ADGRF3: variants seen among roughly 807,000 people sequenced by gnomAD.
ADGRF3 encodes adhesion G protein-coupled receptor F3.
ADGRF3 carries 85 observed loss-of-function variants against 93.2 expected under a neutral mutation model. That is an observed-to-expected ratio of 0.91 (90% confidence interval 0.77 to 1.09). ADGRF3 has a LOEUF of 1.09. Among genes scored for constraint, ADGRF3 ranks in the 50% least tolerant of loss-of-function variants. ADGRF3 has a pLI of 0.00. For missense variants in ADGRF3, 1,125 were observed against 1,246.2 expected (o/e 0.90, Z 1.46); for synonymous variants, 534 against 532.5 (o/e 1.00, Z -0.04).
At chr2:26,317,953 G>T in intron 1 of ADGRF3, 2 of 1,265,438 alleles carry the variant, frequency 1.6e-6, no homozygotes, top group Non-Finnish European at 2.3e-6. Flanking sequence ...TTGACAGCAG[G>T]GTGAGCAGAA....
intron 1 of ADGRF3, among the ~76,000 whole-genome samples, chr2:26,325,550 G>C (rs1168415675): frequency 2.0e-5 from 3 of 152,162 alleles, no homozygotes; most frequent in African/African-American, 7.2e-5. Context: ...TGTACCTCAA[G>C]AGCACAACTT....
In ADGRF3 at chr2:26,323,061, C is replaced by G. The variant is rs200885298; in HGVS notation, c.115-5499G>C. Among the ~76,000 whole-genome samples the G allele has an allele frequency of 2.6e-5, 4 of 152,068 alleles. No individual in the cohort carries two copies. In the East Asian group the frequency reaches 7.7e-4, roughly 29 times the overall value. On this transcript the variant is annotated intron_variant, in intron 1 of 13. Transcript: ENST00000651242. ...GACGGAGGCATGAGAATCACTTGAA[C>G]CCAGGAGGCGGAGGTTGCAGTGAGC...
At chr2:26,344,305 G>A (rs961772783) in intron 1 of ADGRF3, among the ~76,000 whole-genome samples, 5 of 151,958 alleles carry the variant, frequency 3.3e-5, no homozygotes, top group Non-Finnish European at 7.4e-5. Context: ...CACCACACCC[G>A]GTTAGTTTTT....
rs1024544880 is a variant in ADGRF3 at position 26,345,999 on chromosome 2, G to A, written c.114+122C>T. 2.5e-5 allele frequency: 25 copies of A among 1,013,588 alleles called. No homozygotes were observed. In the Middle Eastern group the frequency reaches 1.2e-3, roughly 47 times the overall value. 62.8% of individuals were successfully genotyped at this position (1,013,588 alleles called of 1,614,324 possible). A position where few individuals can be genotyped will look rare whatever the true frequency, so the allele number is the denominator to read the frequency against. ...CAGTGTCGGGGGACGGGCCGCTCGA[G>A]CGGGCTAGCAACCCCCCCTCGATGG... is the stretch of plus-strand genomic sequence containing the variant. On this transcript the variant is annotated intron_variant, in intron 1 of 13. Coordinates refer to ENST00000651242, the MANE Select transcript of ADGRF3 (RefSeq NM_001321971.2).
At chr2:26,324,501 A>AGT (rs1238965667) in intron 1 of ADGRF3, among the ~76,000 whole-genome samples, 1 of 103,086 alleles carries the variant, frequency 9.7e-6, no homozygotes, top group African/African-American at 4.7e-5. Context: ...GAAAGGCCCC[A>AGT]GTGTGTGTTC....
At chr2:26,336,250 C>T (rs1676026383) in intron 1 of ADGRF3, among the ~76,000 whole-genome samples, 1 of 151,578 alleles carries the variant, frequency 6.6e-6, no homozygotes, top group African/African-American at 2.4e-5. Flanking sequence ...GGAACAGAAG[C>T]TTTGTATATG....
chr2:26,345,000 A>G (rs1272634128), intron 1 of ADGRF3, among the ~76,000 whole-genome samples: 1 of 152,182 alleles, frequency 6.6e-6, no homozygotes, highest in Non-Finnish European at 1.5e-5. Flanking sequence ...AAGTATCTCA[A>G]AATAATCGCC....
At chr2:26,343,152 G>C (rs542045037) in intron 1 of ADGRF3, among the ~76,000 whole-genome samples, 2 of 152,274 alleles carry the variant, frequency 1.3e-5, no homozygotes, top group East Asian at 3.9e-4. Context: ...GATGTCACTA[G>C]ATGACAGAAA....
In ADGRF3 at chr2:26,310,095, GC is replaced by G. The variant is rs772960209; in HGVS notation, c.2884del (p.Ala962LeufsTer82). 6.2e-7 allele frequency: 1 copy of G among 1,614,056 alleles called. No homozygotes were observed. Among genetic ancestry groups the G allele is most frequent in the Non-Finnish European group, 8.5e-7 (1 of 1,179,906 alleles). Reference protein sequence around the residue: ...GCLMDRKIQEALRKRFCRAQA... With the variant: ...GCLMDRKIQEXLRKRFCRAQA... The stretch of plus-strand genomic sequence containing the variant: ...GGCGCGGCAGAAGCGTTTGCGCAAA[GC>G]TTCTTGTATCTGCGGGAGAGGTAAA... On this transcript the variant is annotated frameshift_variant, in exon 12 of 14. Coordinates refer to ENST00000651242, the MANE Select transcript of ADGRF3 (RefSeq NM_001321971.2). LOFTEE classifies it high-confidence loss of function.
rs1674564527 is a variant in ADGRF3, at chr2:26,315,468, T to C, written c.718+54A>G. On this transcript the variant is annotated intron_variant, in intron 5 of 13. Coordinates refer to ENST00000651242, the MANE Select transcript of ADGRF3 (RefSeq NM_001321971.2). ...GGAAAGCAGAGAAGGAAGACGAGGA[T>C]GAAGGGAAGTAAGAGGAAGGAGAAA... 2.6e-6 allele frequency: 4 copies of C among 1,513,654 alleles called. No homozygotes were observed. In the South Asian group the frequency reaches 5.0e-5, roughly 19 times the overall value. The allele number at this position is 1,513,654 out of a possible 1,614,324, so 93.8% of individuals were successfully genotyped here.
chr2:26,314,608 C>A lies in ADGRF3; in HGVS notation c.734G>T (p.Cys245Phe), dbSNP rs770648652. ...CCACTTGAAGCCCTGGGCCTCGAAG[C>A]AGCTCATGTACTCACCTGCAGAAAC... ...SHHWAGEYMS[C>F]FEAQGFKWNL... Residue 245 changes from cysteine to phenylalanine, a missense_variant, in exon 6 of 14, where the codon TGC becomes TTC. By Grantham distance (205) the Cys-to-Phe change is radical. Transcript: ENST00000651242. 3.1e-6 allele frequency: 5 copies of A among 1,613,744 alleles called. No individual in the cohort carries two copies. Among genetic ancestry groups the A allele is most frequent in the Non-Finnish European group, 4.2e-6 (5 of 1,179,772 alleles).
chr2:26,327,159 G>A (rs187392902), intron 1 of ADGRF3, among the ~76,000 whole-genome samples: 53 of 152,252 alleles, frequency 3.5e-4, no homozygotes, highest in Admixed American at 3.3e-3. Context: ...CTCTCTTCTG[G>A]GGTAATTTTG....
At chr2:26,318,134 G>A (rs1437347298) in intron 1 of ADGRF3, 1 of 1,504,594 alleles carries the variant, frequency 6.6e-7, no homozygotes. Context: ...CTGGTAGGGA[G>A]GTGAGGATGG....
At chr2:26,314,975 G>T (rs943806727) in intron 5 of ADGRF3, among the ~76,000 whole-genome samples, 1 of 152,188 alleles carries the variant, frequency 6.6e-6, no homozygotes, top group Non-Finnish European at 1.5e-5. Context: ...TCCATATTTT[G>T]TGTGGAGAAT....
chr2:26,344,679 A>G (rs1350108217), intron 1 of ADGRF3, among the ~76,000 whole-genome samples: 1 of 152,104 alleles, frequency 6.6e-6, no homozygotes, highest in Admixed American at 6.5e-5. Context: ...AAAAATGCAA[A>G]AAATTTAGCC....
rs181233699 is a variant in ADGRF3 at position 26,322,020 on chromosome 2, C to T, written c.115-4458G>A. Among the ~76,000 whole-genome samples, 262 of 148,628 alleles carry T rather than the reference C, an allele frequency of 1.8e-3. 1 individual carries two copies. Among genetic ancestry groups the T allele is most frequent in the Middle Eastern group, 3.7e-3 (1 of 268 alleles). ...TAGAGGCTGGGTGCAGTGGCTCATG[C>T]CTGTAATCCCAGCACTACACCTTGG... On this transcript the variant is annotated intron_variant, in intron 1 of 13. Transcript: ENST00000651242.
intron 11 of ADGRF3, 44 bp from the exon 12 acceptor site, chr2:26,310,149 G>A (rs765208527): frequency 1.3e-5 from 21 of 1,613,884 alleles, no homozygotes; most frequent in South Asian, 2.2e-5. Flanking sequence ...CCACGGCCCC[G>A]GCCTGCGGGC....
chr2:26,329,088 C>T (rs181701397), intron 1 of ADGRF3, among the ~76,000 whole-genome samples: 28 of 152,258 alleles, frequency 1.8e-4, no homozygotes, highest in Admixed American at 3.3e-4. Flanking sequence ...AAGGGAGACA[C>T]GAATGTGAGA....
Position 26,311,098 on chromosome 2 carries a change from A to G in ADGRF3, c.2426T>C (p.Leu809Pro). The change falls in exon 10 of 14, where the codon CTG (leucine) becomes CCG (proline). Residue 809 changes from leucine to proline, a missense_variant. Leu to Pro is a moderately conservative substitution (Grantham distance 98). Coordinates refer to ENST00000651242, the MANE Select transcript of ADGRF3 (RefSeq NM_001321971.2). Reference protein sequence around the residue: ...AHQLLFVFHQLAKHRVLPLMV... With the variant: ...AHQLLFVFHQPAKHRVLPLMV... ...GAGGGGGAGAACTCGGTGCTTTGCC[A>G]GCTGGTGAAAGACAAAGAGCAGCTG... 1.2e-6 allele frequency: 2 copies of G among 1,600,802 alleles called. No homozygotes were observed. The highest frequency in any genetic ancestry group is 1.7e-5 in the Admixed American group (1 of 57,666).
Sources: allele counts gnomAD v4.1 joint callset (sites outside exome capture counted in the v4.1 genomes callset), GRCh38; gene constraint gnomAD v4.1.1; transcripts MANE v1.5; gene names NCBI Gene and HGNC (gene_info 2026-07-23, HGNC 2026-07-21).